Variants in PRKAR2B observed in about 807,000 individuals in gnomAD.
PRKAR2B encodes the protein cAMP-dependent protein kinase type II-beta regulatory subunit.
PRKAR2B carries 14 observed loss-of-function variants against 49.9 expected under a neutral mutation model. That is an observed-to-expected ratio of 0.28 (90% confidence interval 0.19 to 0.44). The LOEUF (loss-of-function observed/expected upper bound fraction) is 0.44. PRKAR2B is among the 20% of genes least tolerant of loss of function. The pLI is 1.00. For synonymous variants in PRKAR2B, 196 were observed against 197.7 expected (o/e 0.99, Z 0.07); for missense variants, 393 against 537.9 (o/e 0.73, Z 2.67).
rs145216772 is a variant in PRKAR2B at position 107,083,325 on chromosome 7, A to G, written c.343+13009A>G. Among the ~76,000 whole-genome samples, 1,074 of 151,866 alleles carry G rather than the reference A, an allele frequency of 7.1e-3. 16 individuals are homozygous for G. The highest frequency in any genetic ancestry group is 0.025 in the African/African-American group (1,025 of 41,524). The stretch of plus-strand genomic sequence containing the variant: ...TAAGGGAAGTAGCTCAAATTTTTGA[A>G]TAAAGATTATTTTGATTATGAGTCT... On this transcript the variant is annotated intron_variant, in intron 2 of 10. Coordinates refer to ENST00000265717, the MANE Select transcript of PRKAR2B (RefSeq NM_002736.3).
Position 107,156,997 on chromosome 7 carries a change from A to T in PRKAR2B, c.932A>T (p.Asp311Val). The T allele has an allele frequency of 6.2e-7, 1 of 1,611,398 alleles. No individual in the cohort carries two copies. The highest frequency in any genetic ancestry group is 8.5e-7 in the Non-Finnish European group (1 of 1,177,608). Reference sequence around the variant, plus strand: ...TGATTCCAATAGGGAGATTCGGCTGATTCTTTTTTCATTGTAGAATCTGGA... The same window carrying T: ...TGATTCCAATAGGGAGATTCGGCTGTTTCTTTTTTCATTGTAGAATCTGGA... ...EQIIAQGDSA[D>V]SFFIVESGEV... Residue 311 changes from aspartate (D) to valine (V), a missense_variant, in exon 9 of 11, where the codon GAT becomes GTT. By Grantham distance (152) the Asp-to-Val change is radical. This residue lies in a region of PRKAR2B where 233 missense variants were observed against 390.4 expected (regional missense o/e 0.60). Coordinates refer to ENST00000265717, the MANE Select transcript of PRKAR2B (RefSeq NM_002736.3).
rs2116784840 is a variant in PRKAR2B, at chr7:107,078,425, C to CT, written c.343+8110dup. Among the ~76,000 whole-genome samples, 2 of 152,172 alleles carry CT rather than the reference C, an allele frequency of 1.3e-5. 1 individual carries two copies. The highest frequency in any genetic ancestry group is 4.2e-4 in the South Asian group (2 of 4,818). On this transcript the variant is annotated intron_variant, in intron 2 of 10. Transcript: ENST00000265717. Reference sequence around the variant, plus strand: ...TGGGACTGGGACCTAAGGAGGTTCTCTGAGATGCCAGGGCACAGGCCTGGG... The same window carrying CT: ...TGGGACTGGGACCTAAGGAGGTTCTCTTGAGATGCCAGGGCACAGGCCTGGG...
intron 4 of PRKAR2B, among the ~76,000 whole-genome samples, chr7:107,138,391 T>G (rs942364270): frequency 6.6e-6 from 1 of 152,228 alleles, no homozygotes; most frequent in Non-Finnish European, 1.5e-5. Flanking sequence ...TCCTATGAGC[T>G]TAAAACTGCT....
At chr7:107,134,133 A>G (rs923407405) in intron 4 of PRKAR2B, among the ~76,000 whole-genome samples, 1 of 151,888 alleles carries the variant, frequency 6.6e-6, no homozygotes, top group African/African-American at 2.4e-5. Context: ...GGTTCAAGTG[A>G]TTCTTGTACC....
chr7:107,143,179 G>A lies in PRKAR2B; in HGVS notation c.587+2226G>A, dbSNP rs187567773. Among the ~76,000 whole-genome samples the A allele has an allele frequency of 4.3e-4, 66 of 152,330 alleles. 1 individual carries two copies. Among genetic ancestry groups the A allele is most frequent in the Non-Finnish European group, 1.2e-4 (8 of 68,026 alleles). ...TTTACCCTATTCAAAGTAGCCGAGT[G>A]TAGAGAACAGTTTCAGCGCAAAAGT... On this transcript the variant is annotated intron_variant, in intron 5 of 10. Coordinates refer to ENST00000265717, the MANE Select transcript of PRKAR2B (RefSeq NM_002736.3).
chr7:107,150,616 T>TG (rs1795966299), intron 6 of PRKAR2B, among the ~76,000 whole-genome samples: 2 of 151,750 alleles, frequency 1.3e-5, no homozygotes, highest in African/African-American at 4.8e-5. Flanking sequence ...TTAAAAATGC[T>TG]GTGACAGCGC....
Position 107,070,285 on chromosome 7 carries a change from A to T in PRKAR2B, c.312A>T (p.Pro104=). ...TTATTCTGCTTTTTCTTTTAGCTCCAGTAATAAACCGATTCACAAGGCGTG... is the reference window on the plus strand; with the variant it reads ...TTATTCTGCTTTTTCTTTTAGCTCCTGTAATAAACCGATTCACAAGGCGTG... ...APADAGAFNA[P]VINRFTRRAS... is the part of the protein sequence containing the mutation. The change falls in exon 2 of 11, where the codon CCA becomes CCT. Residue 104 remains proline (P), a synonymous_variant. Transcript: ENST00000265717. 1 of 1,607,356 alleles carries T rather than the reference A, an allele frequency of 6.2e-7. No individual in the cohort carries two copies. The highest frequency in any genetic ancestry group is 8.5e-7 in the Non-Finnish European group (1 of 1,175,612).
At chr7:107,083,767 C>A (rs1474356123) in intron 2 of PRKAR2B, among the ~76,000 whole-genome samples, 1 of 152,042 alleles carries the variant, frequency 6.6e-6, no homozygotes, top group Non-Finnish European at 1.5e-5. Flanking sequence ...CGCCCACAAC[C>A]ATGCCTGGCT....
At chr7:107,154,041 G>A (rs1796035784) in intron 8 of PRKAR2B, among the ~76,000 whole-genome samples, 1 of 152,052 alleles carries the variant, frequency 6.6e-6, no homozygotes, top group African/African-American at 2.4e-5. Context: ...AAATACATAA[G>A]TAAATCTTTC....
At chr7:107,065,858 G>A (rs1216808396) in intron 1 of PRKAR2B, among the ~76,000 whole-genome samples, 1 of 152,214 alleles carries the variant, frequency 6.6e-6, no homozygotes, top group East Asian at 1.9e-4. Flanking sequence ...CGTCCAGCAG[G>A]TATGGGAGGC....
intron 10 of PRKAR2B, among the ~76,000 whole-genome samples, chr7:107,158,570 T>C (rs1796139777): frequency 1.3e-5 from 2 of 152,194 alleles, no homozygotes; most frequent in African/African-American, 4.8e-5. Context: ...TAGTGGTAAA[T>C]ACTTCGAAGG....
intron 1 of PRKAR2B, among the ~76,000 whole-genome samples, chr7:107,049,758 A>G (rs889508854): frequency 6.6e-6 from 1 of 152,180 alleles, no homozygotes; most frequent in Non-Finnish European, 1.5e-5. Context: ...TAAAATCCAT[A>G]TCTTTTCAGC....
chr7:107,134,078 G>C (rs1479441391), intron 4 of PRKAR2B, among the ~76,000 whole-genome samples: 1 of 152,106 alleles, frequency 6.6e-6, no homozygotes, highest in Non-Finnish European at 1.5e-5. Context: ...GCCCAGGTTG[G>C]AGTGTAGTGG....
chr7:107,091,818 C>G (rs1407340099), intron 2 of PRKAR2B: 2 of 152,092 alleles, frequency 1.3e-5, no homozygotes, highest in Non-Finnish European at 2.9e-5. Context: ...AGATTTTTGC[C>G]TCATATGTTG....
chr7:107,061,873 G>A (rs936640208), intron 1 of PRKAR2B, among the ~76,000 whole-genome samples: 5 of 152,130 alleles, frequency 3.3e-5, no homozygotes, highest in Non-Finnish European at 7.3e-5. Context: ...CTCCAACCTG[G>A]GCGACAGAGT....
chr7:107,084,455 G>T (rs933670416), intron 2 of PRKAR2B, among the ~76,000 whole-genome samples: 1 of 151,972 alleles, frequency 6.6e-6, no homozygotes, highest in African/African-American at 2.4e-5. Context: ...AATATGTAAA[G>T]CGTAGTATTC....
chr7:107,047,257 A>C (rs1018800168), intron 1 of PRKAR2B, among the ~76,000 whole-genome samples: 5 of 152,220 alleles, frequency 3.3e-5, no homozygotes, highest in Admixed American at 2.0e-4. Flanking sequence ...TGTCAGATGC[A>C]GTGCTTTTTG....
At chr7:107,082,741 G>A (rs780776368) in intron 2 of PRKAR2B, among the ~76,000 whole-genome samples, 32 of 152,088 alleles carry the variant, frequency 2.1e-4, no homozygotes, top group African/African-American at 3.9e-4. Flanking sequence ...CCACAGATGC[G>A]TGCCACCAAG....
chr7:107,109,951 A>G (rs994386765), intron 2 of PRKAR2B, among the ~76,000 whole-genome samples: 7 of 152,144 alleles, frequency 4.6e-5, no homozygotes, highest in African/African-American at 9.7e-5. Context: ...ATAAGAACCA[A>G]AATCAGGTGA....
Sources: gnomAD v4.1 joint callset for allele counts (sites outside exome capture counted in the v4.1 genomes callset) on GRCh38, gnomAD v4.1.1 for gene constraint, gnomAD v4.1.1 regional missense constraint, MANE v1.5 for transcripts, NCBI Gene and HGNC (gene_info 2026-07-23, HGNC 2026-07-21) for gene names.